SKAP1: variants seen among roughly 807,000 people sequenced by gnomAD.
SKAP1 encodes src kinase associated phosphoprotein 1.
A neutral mutation model predicts 58.5 loss-of-function variants in SKAP1; 44 were observed. That is an observed-to-expected ratio of 0.75 (90% CI 0.59 to 0.97). The LOEUF is 0.97. Ranked by LOEUF, SKAP1 falls within the 50% of genes least tolerant of loss-of-function variation. The pLI is 0.00. For missense variants in SKAP1, 390 were observed against 435.2 expected, an observed-to-expected ratio of 0.90 and a Z score of 0.92; for synonymous variants, 127 against 149.7, an observed-to-expected ratio of 0.85 and a Z score of 1.11.
intron 4 of SKAP1, among the ~76,000 whole-genome samples, chr17:48,316,500 T>A (rs979026096): frequency 2.0e-5 from 3 of 152,178 alleles, no homozygotes; most frequent in Non-Finnish European, 4.4e-5. Flanking sequence ...TTTTTAGTCA[T>A]TCTCTCTCTG....
chr17:48,271,542 G>A (rs1286641052), intron 4 of SKAP1, among the ~76,000 whole-genome samples: 1 of 151,400 alleles, frequency 6.6e-6, no homozygotes, highest in African/African-American at 2.4e-5. Context: ...ATTTTTTTTA[G>A]TATCATTTGT....
At chr17:48,317,734 T>C (rs2066308016) in intron 4 of SKAP1, among the ~76,000 whole-genome samples, 1 of 152,188 alleles carries the variant, frequency 6.6e-6, no homozygotes, top group African/African-American at 2.4e-5. Flanking sequence ...AGAATCTAGT[T>C]GAGTTTTTCA....
At chr17:48,226,515 G>A (rs948652077) in intron 4 of SKAP1, among the ~76,000 whole-genome samples, 3 of 152,100 alleles carry the variant, frequency 2.0e-5, no homozygotes, top group Admixed American at 2.0e-4. Context: ...AGATATCTAA[G>A]TCTACTTTAA....
chr17:48,227,069 G>A (rs2065077655), intron 4 of SKAP1, among the ~76,000 whole-genome samples: 1 of 152,038 alleles, frequency 6.6e-6, no homozygotes, highest in Admixed American at 6.6e-5. Flanking sequence ...TCTGGCACAG[G>A]TGAATTCTTC....
At chr17:48,194,861 A>G (rs1351203295) in intron 4 of SKAP1, among the ~76,000 whole-genome samples, 1 of 152,170 alleles carries the variant, frequency 6.6e-6, no homozygotes, top group Non-Finnish European at 1.5e-5. Context: ...GACAGGGTGA[A>G]GTTTAGCAGG....
At chr17:48,414,054 A>C (rs1330987279) in intron 1 of SKAP1, among the ~76,000 whole-genome samples, 1 of 152,232 alleles carries the variant, frequency 6.6e-6, no homozygotes, top group African/African-American at 2.4e-5. Context: ...TATTTGTTGA[A>C]TGCTTATCAC....
chr17:48,375,292 C>A (rs2067138051), intron 2 of SKAP1, among the ~76,000 whole-genome samples: 1 of 151,300 alleles, frequency 6.6e-6, no homozygotes. Flanking sequence ...ACAACATTAT[C>A]TGAGATTGAC....
intron 2 of SKAP1, among the ~76,000 whole-genome samples, chr17:48,385,119 T>C (rs1256499831): frequency 6.6e-6 from 1 of 152,168 alleles, no homozygotes; most frequent in Admixed American, 6.5e-5. Flanking sequence ...TGTCAAATGC[T>C]ACAGAAAGAC....
At chr17:48,393,236 A>G (rs2067372248) in intron 2 of SKAP1, among the ~76,000 whole-genome samples, 1 of 152,238 alleles carries the variant, frequency 6.6e-6, no homozygotes, top group African/African-American at 2.4e-5. Flanking sequence ...TTTCCTTGGA[A>G]TCACAGAAAT....
chr17:48,189,210 C>T (rs2064501795), intron 5 of SKAP1, among the ~76,000 whole-genome samples: 1 of 152,196 alleles, frequency 6.6e-6, no homozygotes, highest in African/African-American at 2.4e-5. Context: ...CCATCCCTAT[C>T]CTGATGAAGC....
At chr17:48,419,372 A>C (rs2067769210) in intron 1 of SKAP1, among the ~76,000 whole-genome samples, 1 of 151,614 alleles carries the variant, frequency 6.6e-6, no homozygotes. Flanking sequence ...GCAACCTCCA[A>C]CTCCCGGGTT....
intron 9 of SKAP1, among the ~76,000 whole-genome samples, chr17:48,171,153 G>A (rs2064210492): frequency 7.2e-6 from 1 of 139,654 alleles, no homozygotes; most frequent in East Asian, 2.1e-4. Context: ...CCAGGCTGGA[G>A]TGCAATGGTG....
chr17:48,368,795 C>G (rs548817346), intron 2 of SKAP1, among the ~76,000 whole-genome samples: 1 of 152,242 alleles, frequency 6.6e-6, no homozygotes, highest in East Asian at 1.9e-4. Flanking sequence ...AATAAAATTT[C>G]ACAATATTTT....
intron 11 of SKAP1, among the ~76,000 whole-genome samples, chr17:48,137,833 CTG>C (rs1242948077): frequency 1.3e-5 from 2 of 152,232 alleles, no homozygotes; most frequent in African/African-American, 2.4e-5. Flanking sequence ...GTCAGACAGA[CTG>C]AGATCTAATC....
In SKAP1 at chr17:48,148,155, G is replaced by A. The variant is rs147134904; in HGVS notation, c.979-10818C>T. Reference sequence around the variant, plus strand: ...TGGATAATGATCAAGCTGAGGCCACGGAGGTGTGGAGGGCCTGTGCACACA... The same window carrying A: ...TGGATAATGATCAAGCTGAGGCCACAGAGGTGTGGAGGGCCTGTGCACACA... On this transcript the variant is annotated intron_variant, in intron 11 of 12. Transcript: ENST00000336915. Among the ~76,000 whole-genome samples, 537 of 152,298 alleles carry A rather than the reference G, an allele frequency of 3.5e-3. 2 individuals carry two copies. The highest frequency in any genetic ancestry group is 4.1e-3 in the Non-Finnish European group (279 of 68,032).
intron 2 of SKAP1, among the ~76,000 whole-genome samples, chr17:48,379,831 G>A (rs773360117): frequency 1.3e-5 from 2 of 151,820 alleles, no homozygotes; most frequent in Admixed American, 6.6e-5. Flanking sequence ...ACAGGTGCCC[G>A]CCACCATGCA....
chr17:48,372,135 T>C (rs1163323073), intron 2 of SKAP1, among the ~76,000 whole-genome samples: 3 of 151,082 alleles, frequency 2.0e-5, no homozygotes, highest in Non-Finnish European at 3.0e-5. Context: ...CCATACCCAG[T>C]TAATTTTTTA....
chr17:48,379,883 C>T (rs984182905), intron 2 of SKAP1, among the ~76,000 whole-genome samples: 6 of 152,072 alleles, frequency 3.9e-5, no homozygotes, highest in Admixed American at 6.5e-5. Context: ...GGAGTTTCAC[C>T]GTATTGGCCA....
chr17:48,335,463 C>G (rs969892462), intron 4 of SKAP1, among the ~76,000 whole-genome samples: 2 of 151,930 alleles, frequency 1.3e-5, no homozygotes, highest in Non-Finnish European at 2.9e-5. Flanking sequence ...TTTTTGCTAC[C>G]TGTAAAAATT....
Sources: gnomAD v4.1 joint callset for allele counts (sites outside exome capture counted in the v4.1 genomes callset) on GRCh38, gnomAD v4.1.1 for gene constraint, MANE v1.5 for transcripts, NCBI Gene and HGNC (gene_info 2026-07-23, HGNC 2026-07-21) for gene names.